Variants in PSD3 observed in about 807,000 individuals in gnomAD.
PSD3 encodes PH and SEC7 domain-containing protein 3.
In PSD3, 49 loss-of-function variants were observed where a neutral mutation model predicts 105.5. That is an observed-to-expected ratio of 0.46 (90% CI 0.37 to 0.59). PSD3 has a LOEUF of 0.59. PSD3 is among the 20% of genes least tolerant of loss of function. PSD3 has a pLI of 0.00. For synonymous variants in PSD3, 557 were observed against 457.8 expected (o/e 1.22, Z -2.77); for missense variants, 1,561 against 1,263.8 (o/e 1.24, Z -3.57).
chr8:18,556,383 CAA>C, intron 14 of PSD3, 31 bp from the exon 15 acceptor site: 2 of 1,349,290 alleles, frequency 1.5e-6, no homozygotes, highest in South Asian at 1.3e-5. Context: ...ATTTAGCGTT[CAA>C]AAAAAAAACA....
rs2129884880 is a variant in PSD3, at chr8:18,533,700, G to C, written c.*2043C>G. ...TGGTCTAGGTACCTCTCTCCCCTCG[G>C]CTTAGTATAAACATTTAGGCAGAAA... On this transcript the variant is annotated 3_prime_UTR_variant, in exon 16 of 16. Transcript: ENST00000327040. 6.6e-6 allele frequency: 1 copy of C among 152,160 alleles called. No individual in the cohort carries two copies. Among genetic ancestry groups the C allele is most frequent in the South Asian group, 2.1e-4 (1 of 4,820 alleles). 9.4% of individuals were successfully genotyped at this position (152,160 alleles called of 1,614,324 possible).
chr8:18,819,221 A>G (rs961774357), intron 4 of PSD3, among the ~76,000 whole-genome samples: 1 of 152,208 alleles, frequency 6.6e-6, no homozygotes, highest in Admixed American at 6.5e-5. Context: ...GGCTTTCCAG[A>G]GGGTAGGTTT....
chr8:18,984,192 AAATAAT>A (rs59486224), intron 1 of PSD3, among the ~76,000 whole-genome samples: 40 of 146,434 alleles, frequency 2.7e-4, no homozygotes, highest in African/African-American at 4.2e-4. Context: ...CCTTCAATTA[AAATAAT>A]AATAATAATA....
chr8:18,980,811 A>T (rs1452385779), intron 1 of PSD3, among the ~76,000 whole-genome samples: 2 of 152,104 alleles, frequency 1.3e-5, no homozygotes, highest in Non-Finnish European at 2.9e-5. Context: ...CCTGAATACT[A>T]TTTACACCCT....
At chr8:18,698,294 A>AT (rs1469171069) in intron 9 of PSD3, among the ~76,000 whole-genome samples, 3 of 152,096 alleles carry the variant, frequency 2.0e-5, no homozygotes, top group Non-Finnish European at 4.4e-5. Flanking sequence ...TTTTAAAAAA[A>AT]TTTTTGTAGA....
chr8:19,007,856 A>G (rs1586620087), intron 1 of PSD3, among the ~76,000 whole-genome samples: 1 of 151,714 alleles, frequency 6.6e-6, no homozygotes, highest in South Asian at 2.1e-4. Flanking sequence ...TTTTATTTTT[A>G]TTTTTGAGAG....
chr8:18,563,224 C>G (rs1426169718), intron 14 of PSD3, among the ~76,000 whole-genome samples: 1 of 152,164 alleles, frequency 6.6e-6, no homozygotes, highest in African/African-American at 2.4e-5. Flanking sequence ...GAACAAATAC[C>G]TTAAGCTCTC....
intron 15 of PSD3, among the ~76,000 whole-genome samples, chr8:18,554,254 A>T (rs868474141): frequency 6.6e-6 from 1 of 152,212 alleles, no homozygotes; most frequent in South Asian, 2.1e-4. Context: ...TGTGTGAAAC[A>T]AAACAGGCCT....
At chr8:18,888,905 T>G (rs1052347355) in intron 2 of PSD3, among the ~76,000 whole-genome samples, 1 of 152,128 alleles carries the variant, frequency 6.6e-6, no homozygotes. Context: ...AAGATGGAGC[T>G]GGAAGTGAAG....
intron 1 of PSD3, among the ~76,000 whole-genome samples, chr8:19,025,941 T>C (rs1460838875): frequency 6.6e-6 from 1 of 151,732 alleles, no homozygotes; most frequent in Non-Finnish European, 1.5e-5. Flanking sequence ...AGGAAAGAGG[T>C]TTAATGGACT....
chr8:19,067,541 G>T (rs547163464), intron 1 of PSD3, among the ~76,000 whole-genome samples: 2 of 152,182 alleles, frequency 1.3e-5, no homozygotes, highest in Admixed American at 6.5e-5. Context: ...CTTGTGAAAG[G>T]ATGGGAAATC....
intron 2 of PSD3, among the ~76,000 whole-genome samples, chr8:18,906,428 G>A (rs969132983): frequency 3.9e-5 from 6 of 152,296 alleles, no homozygotes; most frequent in African/African-American, 1.2e-4. Context: ...CATTGGAAAT[G>A]GGGAAATTCA....
chr8:18,737,049 T>C (rs139680884), intron 9 of PSD3, among the ~76,000 whole-genome samples: 9 of 152,332 alleles, frequency 5.9e-5, no homozygotes, highest in South Asian at 2.1e-4. Flanking sequence ...CATCTGCTTT[T>C]GTGGTTTAGT....
Position 18,693,501 on chromosome 8 carries a change from T to C in PSD3, c.2173-37816A>G, listed in dbSNP as rs114419175. On this transcript the variant is annotated intron_variant, in intron 9 of 15. Coordinates refer to ENST00000327040, the MANE Select transcript of PSD3 (RefSeq NM_015310.4). ...TTAAAATTTGTTGATTTTAGGCTAC[T>C]CACCAAAACAACATCCTGCTTTAGC... Among the ~76,000 whole-genome samples the C allele has an allele frequency of 3.3e-3, 498 of 152,346 alleles. 6 individuals are homozygous for C. Among genetic ancestry groups the C allele is most frequent in the African/African-American group, 0.011 (438 of 41,586 alleles).
chr8:18,789,001 C>T (rs1282099977), intron 8 of PSD3, among the ~76,000 whole-genome samples: 1 of 152,136 alleles, frequency 6.6e-6, no homozygotes, highest in African/African-American at 2.4e-5. Flanking sequence ...CTCACAAACC[C>T]TAATCACAGA....
At chr8:18,948,520 A>G (rs6991852) in intron 1 of PSD3, among the ~76,000 whole-genome samples, 74,941 of 151,966 alleles carry the variant, frequency 0.49, 18,715 homozygotes, top group Non-Finnish European at 0.53. Flanking sequence ...GAGGTGGGTC[A>G]GGTACTGAGA....
intron 1 of PSD3, among the ~76,000 whole-genome samples, chr8:19,008,657 A>T (rs1009332760): frequency 2.0e-5 from 3 of 152,254 alleles, no homozygotes; most frequent in South Asian, 4.2e-4. Flanking sequence ...TAGAGGCCAA[A>T]CAAAAGAAGC....
At chr8:18,792,309 T>C (rs1164702396) in intron 8 of PSD3, among the ~76,000 whole-genome samples, 2 of 152,186 alleles carry the variant, frequency 1.3e-5, no homozygotes, top group African/African-American at 2.4e-5. Flanking sequence ...AGACATGGAA[T>C]CAACCTAAAT....
In PSD3 at chr8:18,675,571, C is replaced by T. The variant is rs886997565; in HGVS notation, c.2173-19886G>A. On this transcript the variant is annotated intron_variant, in intron 9 of 15. Transcript: ENST00000327040. ...GCTAGGACTAGAGCCTCAGCCAGCCCGTTCAGAAAAATTTTGATATTAAGC... is the reference window on the plus strand; with the variant it reads ...GCTAGGACTAGAGCCTCAGCCAGCCTGTTCAGAAAAATTTTGATATTAAGC... Among the ~76,000 whole-genome samples, 10 of 151,984 alleles carry T rather than the reference C, an allele frequency of 6.6e-5. No individual in the cohort carries two copies. The East Asian group carries it at 9.7e-4, about 15-fold the overall frequency.
Sources: gnomAD v4.1 joint callset for allele counts (sites outside exome capture counted in the v4.1 genomes callset) on GRCh38, gnomAD v4.1.1 for gene constraint, MANE v1.5 for transcripts, NCBI Gene and HGNC (gene_info 2026-07-23, HGNC 2026-07-21) for gene names.